The following CPS1 variants were observed in gnomAD, a reference collection of about 807,000 sequenced individuals.
CPS1 encodes the protein carbamoyl-phosphate synthase [ammonia], mitochondrial.
CPS1 carries 109 observed loss-of-function variants against 174.6 expected under a neutral mutation model. The ratio of observed to expected loss-of-function variants is 0.62; its 90% CI spans 0.53 to 0.73. The LOEUF (loss-of-function observed/expected upper bound fraction) is 0.73, where lower values mean the gene tolerates loss of function less well. Ranked by LOEUF, CPS1 falls within the 30% of genes least tolerant of loss-of-function variation. CPS1 has a pLI of 0.00. For missense variants in CPS1, 1,689 were observed against 1,821.9 expected (o/e 0.93, Z 1.33); for synonymous variants, 637 against 632.0 (o/e 1.01, Z -0.12).
intron 10 of CPS1, among the ~76,000 whole-genome samples, 193 bp downstream of exon 10, chr2:210,592,162 C>G (rs1698327902): frequency 6.6e-6 from 1 of 151,998 alleles, no homozygotes; most frequent in Admixed American, 6.6e-5. Flanking sequence ...GAGAACATTT[C>G]AAATCTTCTC....
chr2:210,524,240 A>G (rs937659295), intron 1 of CPS1, among the ~76,000 whole-genome samples: 1 of 151,840 alleles, frequency 6.6e-6, no homozygotes, highest in Non-Finnish European at 1.5e-5. Context: ...ATTTTTTTCT[A>G]TAGTTTTACT....
intron 1 of CPS1, among the ~76,000 whole-genome samples, chr2:210,537,571 A>G (rs1696290189): frequency 6.6e-6 from 1 of 152,252 alleles, no homozygotes; most frequent in Non-Finnish European, 1.5e-5. Context: ...AGTGCTGTTT[A>G]ATTGCAGTCT....
At chr2:210,617,746 A>G (rs1699359408) in intron 21 of CPS1, 1 of 152,042 alleles carries the variant, frequency 6.6e-6, no homozygotes, top group Non-Finnish European at 1.5e-5. Flanking sequence ...TGAACAGTAG[A>G]CAGCAAATAA....
intron 1 of CPS1, among the ~76,000 whole-genome samples, chr2:210,497,818 G>A (rs72934317): frequency 3.0e-3 from 440 of 148,770 alleles, no homozygotes; most frequent in Non-Finnish European, 3.8e-3. Flanking sequence ...TTGATTCCAC[G>A]TCTTTGCTAT....
At chr2:210,599,315 G>T (rs1698617978) in intron 13 of CPS1, 57 bp from the exon 14 acceptor site, 5 of 1,514,318 alleles carry the variant, frequency 3.3e-6, no homozygotes, top group South Asian at 1.1e-5. Flanking sequence ...ATTTAAGTGT[G>T]GTCATTCTCT....
At chr2:210,651,185 G>A (rs1700548054) in intron 28 of CPS1, among the ~76,000 whole-genome samples, 1 of 152,054 alleles carries the variant, frequency 6.6e-6, no homozygotes, top group African/African-American at 2.4e-5. Context: ...ATAGAGAAGA[G>A]TTTGATGTTA....
At chr2:210,577,640 T>A (rs1345149521) in intron 4 of CPS1, 130 bp downstream of exon 4, 1 of 770,294 alleles carries the variant, frequency 1.3e-6, no homozygotes, top group Admixed American at 1.9e-5. Flanking sequence ...GAGGGATTCC[T>A]TCTCTTACTA....
chr2:210,494,250 A>G (rs1297160231), intron 1 of CPS1, among the ~76,000 whole-genome samples: 3 of 152,214 alleles, frequency 2.0e-5, no homozygotes, highest in Admixed American at 2.0e-4. Context: ...TAACTATAAA[A>G]TGGTTTTGAC....
At position 210,640,078 on chromosome 2, in the gene CPS1, T is replaced by G. The variant is rs779604026; in HGVS notation, c.2959+19T>G. ...CACATTGGTAAAATAATAAATTATG[T>G]GTATATAGGACTTTACACAATTTAT... On this transcript the variant is annotated intron_variant, in intron 24 of 37. Transcript: ENST00000233072. The G allele has an allele frequency of 6.2e-6, 9 of 1,451,268 alleles. No homozygotes were observed. The highest frequency in any genetic ancestry group is 7.7e-6 in the Non-Finnish European group (8 of 1,032,948). The allele number at this position is 1,451,268 out of a possible 1,614,324, so 89.9% of individuals were successfully genotyped here. A position where few individuals can be genotyped will look rare whatever the true frequency, so the allele number is the denominator to read the frequency against.
chr2:210,599,677 T>C, intron 14 of CPS1, 116 bp downstream of exon 14: 1 of 1,148,410 alleles, frequency 8.7e-7, no homozygotes. Flanking sequence ...TTTCCTCTAC[T>C]GTGTGAGAAA....
At position 210,674,911 on chromosome 2, in the gene CPS1, C is replaced by T. The variant is rs373056604; in HGVS notation, c.4111C>T (p.Arg1371Trp). The change falls in exon 35 of 38, where the codon CGG becomes TGG. Residue 1371 changes from arginine (R) to tryptophan (W), a missense_variant. By Grantham distance (101) the Arg-to-Trp change is moderately radical (BLOSUM62 -3). Transcript: ENST00000233072. ...TGAAATTCCTTTTCAGCAATCATTC[C>T]GGCCAAGATTCCTTGGTGTGGCTGA... The part of the protein sequence containing the change: ...GILIGIQQSF[R>W]PRFLGVAEQL... 3.2e-5 allele frequency: 52 copies of T among 1,613,332 alleles called. No individual in the cohort carries two copies. Among genetic ancestry groups the T allele is most frequent in the African/African-American group, 2.1e-4 (16 of 74,892 alleles).
chr2:210,520,322 G>A (rs996608937), intron 1 of CPS1, among the ~76,000 whole-genome samples: 3 of 151,934 alleles, frequency 2.0e-5, no homozygotes, highest in Non-Finnish European at 4.4e-5. Flanking sequence ...TTTACTTTAA[G>A]TTCTGAGATA....
intron 7 of CPS1, among the ~76,000 whole-genome samples, chr2:210,588,916 CT>C (rs1202544148): frequency 1.3e-5 from 2 of 152,096 alleles, no homozygotes; most frequent in Admixed American, 6.6e-5. Context: ...TGTGGATGGC[CT>C]GTGTATATCT....
In CPS1 at chr2:210,648,067, G is replaced by A. The variant is rs1233070918; in HGVS notation, c.3336+10G>A. 2 of 1,612,920 alleles carry A rather than the reference G, an allele frequency of 1.2e-6. No individual in the cohort carries two copies. Among genetic ancestry groups the A allele is most frequent in the African/African-American group, 1.3e-5 (1 of 74,900 alleles). ...AGCTGTTAATACTTTGGTAAGGAGAGAAACAAGTATCTGTTTCTAATGTTC... is the reference window on the plus strand; with the variant it reads ...AGCTGTTAATACTTTGGTAAGGAGAAAAACAAGTATCTGTTTCTAATGTTC... On this transcript the variant is annotated intron_variant, in intron 26 of 37. Coordinates refer to ENST00000233072, the MANE Select transcript of CPS1 (RefSeq NM_001875.5).
At chr2:210,585,352 A>G (rs1698070953) in intron 6 of CPS1, among the ~76,000 whole-genome samples, 1 of 152,046 alleles carries the variant, frequency 6.6e-6, no homozygotes, top group Non-Finnish European at 1.5e-5. Flanking sequence ...TCCATTATTA[A>G]TATAATAAAA....
chr2:210,624,369 T>G (rs1559113088), intron 21 of CPS1, among the ~76,000 whole-genome samples: 1 of 152,120 alleles, frequency 6.6e-6, no homozygotes, highest in Non-Finnish European at 1.5e-5. Flanking sequence ...TCTTACCAGT[T>G]ATTACATATT....
intron 16 of CPS1, among the ~76,000 whole-genome samples, chr2:210,603,774 C>T (rs987793397): frequency 1.6e-4 from 24 of 151,802 alleles, no homozygotes; most frequent in Admixed American, 1.2e-3. Flanking sequence ...AAAAAACCCT[C>T]GCTCTTCCCT....
At position 210,590,903 on chromosome 2, in the gene CPS1, A is replaced by T; in HGVS notation, c.944A>T (p.Asn315Ile). 6.2e-7 allele frequency: 1 copy of T among 1,610,472 alleles called. No homozygotes were observed. Among genetic ancestry groups the T allele is most frequent in the East Asian group, 2.2e-5 (1 of 44,732 alleles). ...GAKTYKMSMA[N>I]RGQNQPVLNI... The stretch of plus-strand genomic sequence containing the variant: ...AAAACCTACAAGATGTCCATGGCCA[A>T]CAGGTGAGGTATTTTCACTTTTGCT... The change falls in exon 9 of 38, where the codon AAC becomes ATC. Residue 315 changes from asparagine to isoleucine, a missense_variant. Physicochemically the swap from Asn to Ile is moderately radical, Grantham distance 149. Coordinates refer to ENST00000233072, the MANE Select transcript of CPS1 (RefSeq NM_001875.5).
chr2:210,666,935 A>G (rs900781800), intron 33 of CPS1, among the ~76,000 whole-genome samples: 13 of 152,036 alleles, frequency 8.6e-5, no homozygotes, highest in Non-Finnish European at 1.5e-4. Flanking sequence ...CCATTTTCAC[A>G]ATATTGATTC....
Sources: gnomAD v4.1 joint callset for allele counts (sites outside exome capture counted in the v4.1 genomes callset) on GRCh38, gnomAD v4.1.1 for gene constraint, MANE v1.5 for transcripts, NCBI Gene and HGNC (gene_info 2026-07-23, HGNC 2026-07-21) for gene names.